FN1: variants seen among roughly 807,000 people sequenced by gnomAD.
FN1 encodes the protein fibronectin.
In FN1, 106 loss-of-function variants were observed where a neutral mutation model predicts 297.3. That is an observed-to-expected ratio of 0.36 (90% CI 0.30 to 0.42). The LOEUF (loss-of-function observed/expected upper bound fraction) is 0.42. Among genes scored for constraint, FN1 ranks in the 10% least tolerant of loss-of-function variants. FN1 has a pLI of 1.00. For synonymous variants in FN1, 1,149 were observed against 1,152.6 expected, an observed-to-expected ratio of 1.00 and a Z score of 0.06; for missense variants, 2,690 against 3,124.9, an observed-to-expected ratio of 0.86 and a Z score of 3.32.
intron 30 of FN1, 107 bp downstream of exon 30, chr2:215,383,913 T>G: frequency 7.5e-7 from 1 of 1,338,332 alleles, no homozygotes; most frequent in Non-Finnish European, 1.1e-6. Context: ...TGTTGCTCAT[T>G]AAAAAGGAAA....
At chr2:215,420,003 TC>T (rs2063999247) in intron 11 of FN1, among the ~76,000 whole-genome samples, 1 of 152,200 alleles carries the variant, frequency 6.6e-6, no homozygotes, top group African/African-American at 2.4e-5. Flanking sequence ...GTAACACAGC[TC>T]TTTTAAGGCT....
chr2:215,372,585 A>G (rs2056445652), intron 39 of FN1: 2 of 604,002 alleles, frequency 3.3e-6, no homozygotes, highest in Non-Finnish European at 5.9e-6. Context: ...TTAGAAAGAA[A>G]AAAGTGTTAG....
chr2:215,434,205 G>A (rs917210192), intron 2 of FN1, among the ~76,000 whole-genome samples: 4 of 152,184 alleles, frequency 2.6e-5, no homozygotes, highest in African/African-American at 9.7e-5. Context: ...CCTGATCAGT[G>A]CTTCTCTGAC....
At position 215,365,773 on chromosome 2, in the gene FN1, G is replaced by A. The variant is rs368240430; in HGVS notation, c.7019-143C>T. ...AGTTAAAGATAAAAACCCCTATAAT[G>A]GGCCATTTATTTTATTTATTTATTT... On this transcript the variant is annotated intron_variant, in intron 42 of 45. Coordinates refer to ENST00000354785, the MANE Select transcript of FN1 (RefSeq NM_212482.4). 12 of 491,164 alleles carry A rather than the reference G, an allele frequency of 2.4e-5. No individual in the cohort carries two copies. In the Admixed American group the frequency reaches 4.6e-4, roughly 19 times the overall value. The allele number at this position is 491,164 out of a possible 1,614,324, so 30.4% of individuals were successfully genotyped here.
chr2:215,412,258 G>A (rs924595034), intron 13 of FN1, among the ~76,000 whole-genome samples: 12 of 151,176 alleles, frequency 7.9e-5, no homozygotes, highest in African/African-American at 1.5e-4. Context: ...TAGACTCTAC[G>A]GAGACTACAT....
At position 215,392,956 on chromosome 2, in the gene FN1, G is replaced by C. The variant is rs1214978132; in HGVS notation, c.4044C>G (p.Ala1348=). The part of the protein sequence containing the change: ...VITLINGGES[A]PTTLTQQTAV... ...CCGTTTGTTGTGTCAGTGTAGTAGGGGCACTCTCGCCGCCATTAATGAGAG... is the reference window on the plus strand; with the variant it reads ...CCGTTTGTTGTGTCAGTGTAGTAGGCGCACTCTCGCCGCCATTAATGAGAG... The change falls in exon 25 of 46, where the codon GCC becomes GCG. Residue 1348 remains alanine, a synonymous_variant. Transcript: ENST00000354785. 10 of 1,612,768 alleles carry C rather than the reference G, an allele frequency of 6.2e-6. No homozygotes were observed. The highest frequency in any genetic ancestry group is 2.2e-5 in the South Asian group (2 of 90,996).
intron 12 of FN1, among the ~76,000 whole-genome samples, chr2:215,417,076 TTACTC>T (rs2063528786): frequency 6.6e-6 from 1 of 152,240 alleles, no homozygotes; most frequent in Non-Finnish European, 1.5e-5. Context: ...CTACGTATAA[TTACTC>T]TAGCTTATAC....
rs775151128 is a variant in FN1, at chr2:215,430,832, C to T, written c.568G>A (p.Ala190Thr). 56 of 1,613,960 alleles carry T rather than the reference C, an allele frequency of 3.5e-5. No individual in the cohort carries two copies. Among genetic ancestry groups the T allele is most frequent in the Non-Finnish European group, 4.4e-5 (52 of 1,180,022 alleles). The part of the protein sequence containing the change: ...KPIAEKCFDH[A>T]AGTSYVVGET... ...CCGACCACATAGGAAGTCCCAGCAG[C>T]ATGATCAAAACACTTCTCAGCTGTA... The change falls in exon 5 of 46, where the codon GCT (alanine) becomes ACT (threonine). Residue 190 changes from alanine to threonine, a missense_variant. Coordinates refer to ENST00000354785, the MANE Select transcript of FN1 (RefSeq NM_212482.4).
intron 39 of FN1, 93 bp from the exon 40 acceptor site, chr2:215,372,468 G>T: frequency 1.1e-6 from 1 of 934,386 alleles, no homozygotes; most frequent in Non-Finnish European, 1.7e-6. Context: ...AACAATGACT[G>T]TTCATCAATT....
intron 20 of FN1, among the ~76,000 whole-genome samples, chr2:215,401,257 A>AGAAAGGAAG (rs2061084696): frequency 3.2e-5 from 1 of 31,568 alleles, no homozygotes; most frequent in African/African-American, 9.5e-5. Flanking sequence ...AAAGGAAGAA[A>AGAAAGGAAG]GAAAGGAAGG....
intron 7 of FN1, 62 bp downstream of exon 7, chr2:215,425,032 T>C: frequency 1.4e-6 from 2 of 1,413,608 alleles, no homozygotes; most frequent in Non-Finnish European, 2.0e-6. Flanking sequence ...TGAAAATGTA[T>C]TGTCCTTCAA....
At chr2:215,433,498 A>G in intron 2 of FN1, 37 bp from the exon 3 acceptor site, 2 of 1,601,518 alleles carry the variant, frequency 1.2e-6, no homozygotes, top group Non-Finnish European at 8.5e-7. Flanking sequence ...AGCCTCACTT[A>G]GGTACAAGCT....
At chr2:215,392,831 T>C in intron 25 of FN1, 100 bp downstream of exon 25, 4 of 1,365,812 alleles carry the variant, frequency 2.9e-6, no homozygotes, top group East Asian at 2.3e-5. Flanking sequence ...CTTTGGCCAA[T>C]TGCTGACTTC....
chr2:215,389,173 G>C (rs2059401953), intron 26 of FN1, among the ~76,000 whole-genome samples: 2 of 151,832 alleles, frequency 1.3e-5, no homozygotes, highest in Admixed American at 6.6e-5. Context: ...GTGTGATCTT[G>C]GCTCACTGAA....
In FN1 at chr2:215,393,105, G is replaced by A. The variant is rs563514046; in HGVS notation, c.3895C>T (p.Arg1299Cys). 3.7e-6 allele frequency: 6 copies of A among 1,614,044 alleles called. No homozygotes were observed. Among genetic ancestry groups the A allele is most frequent in the African/African-American group, 2.7e-5 (2 of 75,012 alleles). The change falls in exon 25 of 46, where the codon CGC becomes TGC. Residue 1299 changes from arginine (R) to cysteine (C), a missense_variant. Coordinates refer to ENST00000354785, the MANE Select transcript of FN1 (RefSeq NM_212482.4). ...TCTCCTGCCGCAACTACTGTGATGC[G>A]GTACCCAATAATGGTGGAAGAGTTT... is the stretch of plus-strand genomic sequence containing the variant. The part of the protein sequence containing the change: ...PLNSSTIIGY[R>C]ITVVAAGEGI...
intron 41 of FN1, among the ~76,000 whole-genome samples, chr2:215,368,895 G>C (rs1313202810): frequency 6.6e-6 from 1 of 152,122 alleles, no homozygotes; most frequent in Admixed American, 6.5e-5. Context: ...CTAAAAATTA[G>C]ATAAACTAAT....
At position 215,375,324 on chromosome 2, in the gene FN1, G is replaced by A. The variant is rs139452116; in HGVS notation, c.6047C>T (p.Pro2016Leu). 652 of 1,614,044 alleles carry A rather than the reference G, an allele frequency of 4.0e-4. 1 individual carries two copies. Among genetic ancestry groups the A allele is most frequent in the Middle Eastern group, 6.6e-4 (4 of 6,060 alleles). ...TPNSLLVSWQ[P>L]PRARITGYII... ...GTAGCCGGTAATCCTGGCACGTGGC[G>A]GCTGCCATGATACCAGCAAGGAATT... Residue 2016 changes from proline (P) to leucine (L), a missense_variant, in exon 38 of 46, where the codon CCG (proline) becomes CTG (leucine). This residue lies in a region of FN1 where 1,743 missense variants were observed against 1,945.2 expected (regional missense o/e 0.90). Coordinates refer to ENST00000354785, the MANE Select transcript of FN1 (RefSeq NM_212482.4).
In FN1 at chr2:215,384,163, T is replaced by C; in HGVS notation, c.4751A>G (p.Glu1584Gly). 6.2e-7 allele frequency: 1 copy of C among 1,614,160 alleles called. No individual in the cohort carries two copies. Among genetic ancestry groups the C allele is most frequent in the Non-Finnish European group, 8.5e-7 (1 of 1,180,012 alleles). Residue 1584 changes from glutamate (E) to glycine (G), a missense_variant, in exon 30 of 46, where the codon GAG (glutamate) becomes GGG (glycine). Glu to Gly is a moderately conservative substitution (Grantham distance 98). Coordinates refer to ENST00000354785, the MANE Select transcript of FN1 (RefSeq NM_212482.4). Reference sequence around the variant, plus strand: ...AGACTTGCTCCCAGGCACAGTGAACTCCTGGACAGGGCTATTTCCTCCTGT... The same window carrying C: ...AGACTTGCTCCCAGGCACAGTGAACCCCTGGACAGGGCTATTTCCTCCTGT... ...GETGGNSPVQ[E>G]FTVPGSKSTA... is the part of the protein sequence containing the mutation.
chr2:215,390,875 A>G (rs1285476747), intron 26 of FN1, among the ~76,000 whole-genome samples: 1 of 152,190 alleles, frequency 6.6e-6, no homozygotes, highest in Non-Finnish European at 1.5e-5. Context: ...AATGTAAGCT[A>G]TTTTTCCCTT....
Sources: allele counts gnomAD v4.1 joint callset (sites outside exome capture counted in the v4.1 genomes callset), GRCh38; gene constraint gnomAD v4.1.1; regional missense constraint gnomAD v4.1.1; transcripts MANE v1.5; gene names NCBI Gene and HGNC (gene_info 2026-07-23, HGNC 2026-07-21).